The following HDLBP variants were observed in gnomAD, a reference collection of about 807,000 sequenced individuals.
HDLBP encodes vigilin.
Under a neutral mutation model 137.3 loss-of-function variants are expected in HDLBP, and 30 were observed. That is an observed-to-expected ratio of 0.22 (90% CI 0.16 to 0.30). HDLBP has a LOEUF of 0.30. Ranked by LOEUF, HDLBP falls within the 10% of genes least tolerant of loss-of-function variation. The pLI, the probability that HDLBP is intolerant of heterozygous loss-of-function variation, is 1.00. For missense variants in HDLBP, 1,119 were observed against 1,667.3 expected (o/e 0.67, Z 5.73); for synonymous variants, 606 against 596.0 (o/e 1.02, Z -0.24).
At chr2:241,312,148 G>A (rs1242429414) in intron 1 of HDLBP, among the ~76,000 whole-genome samples, 1 of 152,180 alleles carries the variant, frequency 6.6e-6, no homozygotes, top group Non-Finnish European at 1.5e-5. Context: ...ACCTTGATTT[G>A]AAATAAGATT....
At chr2:241,242,329 A>G (rs1311438256) in intron 17 of HDLBP, 131 bp downstream of exon 17, 10 of 719,404 alleles carry the variant, frequency 1.4e-5, no homozygotes, top group Non-Finnish European at 2.1e-5. Context: ...ACGCATAAAC[A>G]GTACATTATA....
At chr2:241,235,680 A>C in intron 21 of HDLBP, 86 bp from the exon 22 acceptor site, 3 of 870,876 alleles carry the variant, frequency 3.4e-6, no homozygotes, top group Non-Finnish European at 3.8e-6. Flanking sequence ...CACGAAACAC[A>C]AGGCAAACAG....
At chr2:241,295,715 T>C (rs1192467770) in intron 1 of HDLBP, among the ~76,000 whole-genome samples, 2 of 152,142 alleles carry the variant, frequency 1.3e-5, no homozygotes, top group Non-Finnish European at 2.9e-5. Context: ...AAGTGAAAGA[T>C]ACTAAGATGA....
intron 1 of HDLBP, among the ~76,000 whole-genome samples, chr2:241,304,266 A>G (rs1639668915): frequency 6.6e-6 from 1 of 152,248 alleles, no homozygotes; most frequent in Admixed American, 6.5e-5. Flanking sequence ...TCACCAATAC[A>G]TTAATAGCAC....
intron 1 of HDLBP, among the ~76,000 whole-genome samples, chr2:241,297,028 C>T (rs1055075520): frequency 1.6e-4 from 24 of 152,246 alleles, no homozygotes; most frequent in African/African-American, 2.9e-4. Flanking sequence ...CAACGGCTCA[C>T]GTATCAGTCT....
chr2:241,236,984 G>GGC (rs2070592974), intron 20 of HDLBP, among the ~76,000 whole-genome samples: 1 of 148,220 alleles, frequency 6.7e-6, no homozygotes, highest in Non-Finnish European at 1.5e-5. Context: ...CCTTGGGGGG[G>GGC]GGGGGGGGGG....
Position 241,233,840 on chromosome 2 carries a change from C to T in HDLBP, c.3268G>A (p.Asp1090Asn), listed in dbSNP as rs745607429. Residue 1090 changes from aspartate to asparagine, a missense_variant, in exon 24 of 28, where the codon GAT becomes AAT. Transcript: ENST00000310931. The surrounding 1 kb of genome is among the most constrained non-coding windows in gnomAD (Gnocchi z 4.3). ...LEHDVNIQFP[D>N]KDDGNQPQDQ... Reference sequence around the variant, plus strand: ...CTCACCTGGTTCCCATCGTCCTTATCAGGAAACTGGATGTTCACGTCATGC... The same window carrying T: ...CTCACCTGGTTCCCATCGTCCTTATTAGGAAACTGGATGTTCACGTCATGC... 2 of 1,614,082 alleles carry T rather than the reference C, an allele frequency of 1.2e-6. No individual in the cohort carries two copies. Among genetic ancestry groups the T allele is most frequent in the African/African-American group, 1.3e-5 (1 of 74,926 alleles).
At chr2:241,313,122 G>A (rs2075802347) in intron 1 of HDLBP, among the ~76,000 whole-genome samples, 2 of 152,176 alleles carry the variant, frequency 1.3e-5, no homozygotes, top group Admixed American at 1.3e-4. Flanking sequence ...TCTGTAGGAA[G>A]ACTTTCCAAC....
chr2:241,238,571 C>A lies in HDLBP; in HGVS notation c.2749+78G>T. The A allele has an allele frequency of 8.8e-7, 1 of 1,139,570 alleles. No individual in the cohort carries two copies. Among genetic ancestry groups the A allele is most frequent in the Non-Finnish European group, 1.2e-6 (1 of 829,674 alleles). 70.6% of individuals were successfully genotyped at this position (1,139,570 alleles called of 1,614,324 possible). A position where few individuals can be genotyped will look rare whatever the true frequency, so the allele number is the denominator to read the frequency against. On this transcript the variant is annotated intron_variant, in intron 20 of 27. Transcript: ENST00000310931. The surrounding 1 kb of genome is among the most constrained non-coding windows in gnomAD (Gnocchi z 4.9). Reference sequence around the variant, plus strand: ...CAGCAGAGACAGGAAAGAGCCTCACCAGTATGTGCGACAGCCCCGCCTCTC... The same window carrying A: ...CAGCAGAGACAGGAAAGAGCCTCACAAGTATGTGCGACAGCCCCGCCTCTC...
chr2:241,270,996 G>C (rs2073998458), intron 1 of HDLBP: 1 of 985,066 alleles, frequency 1.0e-6, no homozygotes, highest in African/African-American at 1.7e-5. Context: ...GAAATTCATG[G>C]CCTTCTCAGG....
At chr2:241,286,678 G>A (rs1028542260) in intron 1 of HDLBP, among the ~76,000 whole-genome samples, 20 of 152,148 alleles carry the variant, frequency 1.3e-4, no homozygotes, top group African/African-American at 3.1e-4. Flanking sequence ...ACGGGTGCGC[G>A]TCCTCACCCT....
At chr2:241,280,550 C>A (rs1016884274) in intron 1 of HDLBP, among the ~76,000 whole-genome samples, 1 of 152,204 alleles carries the variant, frequency 6.6e-6, no homozygotes, top group Non-Finnish European at 1.5e-5. Flanking sequence ...TCCAGTGACA[C>A]TGTTCTCTGG....
intron 5 of HDLBP, among the ~76,000 whole-genome samples, chr2:241,258,647 C>T (rs1467817590): frequency 6.6e-6 from 1 of 152,150 alleles, no homozygotes; most frequent in African/African-American, 2.4e-5. Context: ...TGTAAGAACA[C>T]ATTTACAAGC....
chr2:241,247,285 G>A, intron 14 of HDLBP, 143 bp from the exon 15 acceptor site: 1 of 635,908 alleles, frequency 1.6e-6, no homozygotes, highest in Non-Finnish European at 2.9e-6. Context: ...ATGAGGGTAA[G>A]TGAGATAGAT....
intron 1 of HDLBP, among the ~76,000 whole-genome samples, chr2:241,313,530 C>T (rs998598660): frequency 2.0e-5 from 3 of 152,188 alleles, no homozygotes; most frequent in Non-Finnish European, 4.4e-5. Context: ...CCACCCGCCT[C>T]GACCTCCCAA....
At chr2:241,232,885 C>T (rs908337889) in intron 24 of HDLBP, among the ~76,000 whole-genome samples, 8 of 151,876 alleles carry the variant, frequency 5.3e-5, no homozygotes, top group African/African-American at 1.9e-4. Context: ...GGGAAGAGGA[C>T]GTGGGAGCTG....
intron 1 of HDLBP, among the ~76,000 whole-genome samples, chr2:241,297,465 C>T (rs1014728844): frequency 6.6e-6 from 1 of 152,162 alleles, no homozygotes; most frequent in Non-Finnish European, 1.5e-5. Context: ...CTTTTCAATA[C>T]ATGGAGATAT....
chr2:241,291,228 T>C (rs1254017733), intron 1 of HDLBP, among the ~76,000 whole-genome samples: 2 of 152,128 alleles, frequency 1.3e-5, no homozygotes, highest in Non-Finnish European at 2.9e-5. Context: ...ATGATACACA[T>C]TGAACTGACT....
intron 5 of HDLBP, among the ~76,000 whole-genome samples, chr2:241,260,271 G>A (rs1456797093): frequency 6.6e-6 from 1 of 152,186 alleles, no homozygotes; most frequent in Non-Finnish European, 1.5e-5. Context: ...CTCCCAAAGT[G>A]CTAGGATTAT....
Sources: allele counts gnomAD v4.1 joint callset (sites outside exome capture counted in the v4.1 genomes callset), GRCh38; gene constraint gnomAD v4.1.1; non-coding constraint Gnocchi (gnomAD v3.1); transcripts MANE v1.5; gene names NCBI Gene and HGNC (gene_info 2026-07-23, HGNC 2026-07-21).